COL7A1: variants seen among roughly 807,000 people sequenced by gnomAD.
The protein encoded by COL7A1 is collagen type VII alpha 1 chain.
In COL7A1, 296 loss-of-function variants were observed where a neutral mutation model predicts 456.2. The observed-to-expected ratio is 0.65, with a 90% CI of 0.59 to 0.71. The LOEUF is 0.71. Among genes scored for constraint, COL7A1 ranks in the 30% least tolerant of loss-of-function variants. COL7A1 has a pLI of 0.00. For missense variants in COL7A1, 3,441 were observed against 4,017.2 expected (o/e 0.86, Z 3.88); for synonymous variants, 1,464 against 1,525.9 (o/e 0.96, Z 0.95).
In COL7A1 at chr3:48,588,642, G is replaced by T. The variant is rs757643340; in HGVS notation, c.2587C>A (p.Pro863Thr). 5 of 1,613,802 alleles carry T rather than the reference G, an allele frequency of 3.1e-6. No individual in the cohort carries two copies. The Admixed American group carries it at 8.3e-5, about 27-fold the overall frequency. ...GCTCTCCAGCGCATGCTCTGCCTACGCGTAGTGACAACAATGGAGACAGGT... is the reference window on the plus strand; with the variant it reads ...GCTCTCCAGCGCATGCTCTGCCTACTCGTAGTGACAACAATGGAGACAGGT... Reference protein sequence around the residue: ...GTPVSIVVTTPPEAPPALGTL... With the variant: ...GTPVSIVVTTTPEAPPALGTL... The change falls in exon 20 of 119, where the codon CCG becomes ACG. Residue 863 changes from proline (P) to threonine (T), a missense_variant and splice_region_variant. Around this residue, in one of 3 missense-constraint regions of COL7A1, gnomAD observed 444 missense variants for 427.6 expected, o/e 1.04. Transcript: ENST00000681320. The surrounding 1 kb of genome is among the most constrained non-coding windows in gnomAD (Gnocchi z 4.6).
In COL7A1 at chr3:48,594,941, G is replaced by C; in HGVS notation, c.85+134C>G. 1 of 777,752 alleles carries C rather than the reference G, an allele frequency of 1.3e-6. No homozygotes were observed. The highest frequency in any genetic ancestry group is 1.6e-5 in the South Asian group (1 of 60,826). 48.2% of individuals were successfully genotyped at this position (777,752 alleles called of 1,614,324 possible). On this transcript the variant is annotated intron_variant, in intron 2 of 118. Coordinates refer to ENST00000681320, the MANE Select transcript of COL7A1 (RefSeq NM_000094.4). This position sits in a 1 kb window ranked among gnomAD's most constrained non-coding sequence, Gnocchi z 5.5. ...ATCGCGGAGGGTTCGGGGAGTCCCAGAATTAGGAGGAATCCGCGGGGCGTC... is the reference window on the plus strand; with the variant it reads ...ATCGCGGAGGGTTCGGGGAGTCCCACAATTAGGAGGAATCCGCGGGGCGTC...
Position 48,566,205 on chromosome 3 carries a change from C to T in COL7A1, c.8407+62G>A. ...TGCTTGCCCTGTAAGTTCTAGGGGC[C>T]TGCCTGCCCTTGCCTAGGGTGCTGG... On this transcript the variant is annotated intron_variant, in intron 114 of 118. Transcript: ENST00000681320. The surrounding 1 kb of genome is among the most constrained non-coding windows in gnomAD (Gnocchi z 5.9). 1 of 1,545,710 alleles carries T rather than the reference C, an allele frequency of 6.5e-7. No homozygotes were observed. Among genetic ancestry groups the T allele is most frequent in the Non-Finnish European group, 8.8e-7 (1 of 1,137,498 alleles).
rs781281946 is a variant in COL7A1 at position 48,573,870 on chromosome 3, G to A, written c.6522C>T (p.Gly2174=). The part of the protein sequence containing the change: ...EGKPGLQGPR[G]PPGPVGGHGD... Reference sequence around the variant, plus strand: ...GGGTACTCACCACTGGGCCAGGGGGGCCTCTTGGACCCTGCAGACCCTACA... The same window carrying A: ...GGGTACTCACCACTGGGCCAGGGGGACCTCTTGGACCCTGCAGACCCTACA... The change falls in exon 81 of 119, where the codon GGC becomes GGT. Residue 2174 remains glycine (G), a synonymous_variant. Coordinates refer to ENST00000681320, the MANE Select transcript of COL7A1 (RefSeq NM_000094.4). The surrounding 1 kb of genome is among the most constrained non-coding windows in gnomAD (Gnocchi z 5.5). The A allele has an allele frequency of 6.2e-7, 1 of 1,613,862 alleles. No individual in the cohort carries two copies. The highest frequency in any genetic ancestry group is 8.5e-7 in the Non-Finnish European group (1 of 1,179,990).
At position 48,590,514 on chromosome 3, in the gene COL7A1, G is replaced by A; in HGVS notation, c.1851C>T (p.Ala617=). The part of the protein sequence containing the change: ...VVSDATRVRV[A]WGPVPGASGF... ...CACTGGCTCCAGGGACGGGTCCCCA[G>A]GCCACCCTCACTCGCGTTGCATCTG... is the stretch of plus-strand genomic sequence containing the variant. Residue 617 remains alanine, a synonymous_variant, in exon 15 of 119, where the codon GCC becomes GCT. Transcript: ENST00000681320. This position sits in a 1 kb window ranked among gnomAD's most constrained non-coding sequence, Gnocchi z 4.6. 6.2e-7 allele frequency: 1 copy of A among 1,614,146 alleles called. No individual in the cohort carries two copies. The highest frequency in any genetic ancestry group is 8.5e-7 in the Non-Finnish European group (1 of 1,180,026).
chr3:48,586,771 GGT>G lies in COL7A1; in HGVS notation c.3277-84_3277-83del. 3 of 1,535,064 alleles carry G rather than the reference GGT, an allele frequency of 2.0e-6. No individual in the cohort carries two copies. The highest frequency in any genetic ancestry group is 1.2e-5 in the South Asian group (1 of 82,538). On this transcript the variant is annotated intron_variant, in intron 25 of 118. Transcript: ENST00000681320. This position sits in a 1 kb window ranked among gnomAD's most constrained non-coding sequence, Gnocchi z 5.1. Reference sequence around the variant, plus strand: ...CACAGAGCCTGGAGAAACACATCAGGGTGTGTGTGACCAAACCCTATCTATTA... The same window carrying G: ...CACAGAGCCTGGAGAAACACATCAGGGTGTGTGACCAAACCCTATCTATTA...
At position 48,595,253 on chromosome 3, in the gene COL7A1, G is replaced by A. The variant is rs1428789274; in HGVS notation, c.-2+15C>T. ...TCCGAGCCCAGCGCCCCTCCAGCCC[G>A]AGTCCTGGTCTTGCCTGCGCGTCCG... is the stretch of plus-strand genomic sequence containing the variant. On this transcript the variant is annotated intron_variant, in intron 1 of 118. Transcript: ENST00000681320. The A allele has an allele frequency of 4.7e-6, 5 of 1,067,004 alleles. No individual in the cohort carries two copies. Among genetic ancestry groups the A allele is most frequent in the East Asian group, 2.6e-5 (1 of 38,492 alleles). The allele number at this position is 1,067,004 out of a possible 1,614,324, so 66.1% of individuals were successfully genotyped here. A position where few individuals can be genotyped will look rare whatever the true frequency, so the allele number is the denominator to read the frequency against.
rs778839465 is a variant in COL7A1, at chr3:48,566,723, G to A, written c.8241C>T (p.Pro2747=). 32 of 1,613,760 alleles carry A rather than the reference G, an allele frequency of 2.0e-5. 1 individual carries two copies. The Middle Eastern group carries it at 1.0e-3, about 51-fold the overall frequency. The change falls in exon 112 of 119, where the codon CCC becomes CCT. Residue 2747 remains proline, a synonymous_variant. Transcript: ENST00000681320. This position sits in a 1 kb window ranked among gnomAD's most constrained non-coding sequence, Gnocchi z 5.9. ...GAGCCCCCACCACTCTCTCTCCGGGGGGACCTCGCTCACCCTGTCAGACAC... is the reference window on the plus strand; with the variant it reads ...GAGCCCCCACCACTCTCTCTCCGGGAGGACCTCGCTCACCCTGTCAGACAC... ...GLQGQKGERG[P]PGERVVGAPG... is the part of the protein sequence containing the mutation.
rs1389113261 is a variant in COL7A1 at position 48,569,710 on chromosome 3, C to A, written c.7557+15G>T. 1.2e-6 allele frequency: 2 copies of A among 1,614,174 alleles called. No individual in the cohort carries two copies. The highest frequency in any genetic ancestry group is 2.2e-5 in the South Asian group (2 of 91,086). ...ACCCTGGCCCCTGCCCTGCCCTCCC[C>A]ATGCCCACACTCACCTTGTCACCCT... On this transcript the variant is annotated intron_variant, in intron 101 of 118. Coordinates refer to ENST00000681320, the MANE Select transcript of COL7A1 (RefSeq NM_000094.4). This position sits in a 1 kb window ranked among gnomAD's most constrained non-coding sequence, Gnocchi z 4.9.
rs200598201 is a variant in COL7A1 at position 48,591,739 on chromosome 3, G to A, written c.1441C>T (p.Arg481Cys). Residue 481 changes from arginine to cysteine, a missense_variant, in exon 12 of 119, where the codon CGC becomes TGC. Arg to Cys is a radical substitution (Grantham distance 180). Coordinates refer to ENST00000681320, the MANE Select transcript of COL7A1 (RefSeq NM_000094.4). The surrounding 1 kb of genome is among the most constrained non-coding windows in gnomAD (Gnocchi z 7.0). Reference protein sequence around the residue: ...LDGLQPGTEYRLTLYTLLEGH... With the variant: ...LDGLQPGTEYCLTLYTLLEGH... The stretch of plus-strand genomic sequence containing the variant: ...TCCAGCAGAGTGTAGAGTGTGAGGC[G>A]GTACTCAGTGCCCGGCTGCAGCCCA... 3.4e-5 allele frequency: 55 copies of A among 1,614,108 alleles called. No individual in the cohort carries two copies. The East Asian group carries it at 5.6e-4, about 16-fold the overall frequency.
rs2045302810 is a variant in COL7A1, at chr3:48,586,873, A to G, written c.3276+99T>C. ...TGGAGCCTGTGAGAGAGCTGGGAGA[A>G]TGCCTGAACCTATTGGGTGGTCAGG... is the stretch of plus-strand genomic sequence containing the variant. On this transcript the variant is annotated intron_variant, in intron 25 of 118. Coordinates refer to ENST00000681320, the MANE Select transcript of COL7A1 (RefSeq NM_000094.4). This position sits in a 1 kb window ranked among gnomAD's most constrained non-coding sequence, Gnocchi z 5.1. 5.2e-6 allele frequency: 8 copies of G among 1,535,708 alleles called. No individual in the cohort carries two copies. In the South Asian group the frequency reaches 8.4e-5, roughly 16 times the overall value.
Position 48,573,806 on chromosome 3 carries a change from G to A in COL7A1, c.6537+49C>T, listed in dbSNP as rs754184572. On this transcript the variant is annotated intron_variant, in intron 81 of 118. Transcript: ENST00000681320. This position sits in a 1 kb window ranked among gnomAD's most constrained non-coding sequence, Gnocchi z 5.5. ...AACTGAGGCAGTACTGGTCACTGGG[G>A]CAGGGCACAGGATGGGGGCAAGACA... 13 of 1,613,880 alleles carry A rather than the reference G, an allele frequency of 8.1e-6. No individual in the cohort carries two copies. The highest frequency in any genetic ancestry group is 1.6e-4 in the Middle Eastern group (1 of 6,084).
At position 48,581,618 on chromosome 3, in the gene COL7A1, C is replaced by A. The variant is rs1424587738; in HGVS notation, c.4737G>T (p.Leu1579Phe). ...TGGGGCCAGGGTCTCCAGGAAGAAC[C>A]AAGCCGGGTGGGCCCTGTGGATGGA... ...GVQGERGPPG[L>F]VLPGDPGPKG... Residue 1579 changes from leucine (L) to phenylalanine (F), a missense_variant, in exon 50 of 119, where the codon TTG becomes TTT. Coordinates refer to ENST00000681320, the MANE Select transcript of COL7A1 (RefSeq NM_000094.4). This position sits in a 1 kb window ranked among gnomAD's most constrained non-coding sequence, Gnocchi z 5.8. 3.1e-6 allele frequency: 5 copies of A among 1,614,188 alleles called. No homozygotes were observed. The highest frequency in any genetic ancestry group is 4.2e-6 in the Non-Finnish European group (5 of 1,180,034).
rs1393537369 is a variant in COL7A1, at chr3:48,565,562, C to G, written c.8441-66G>C. 6.2e-7 allele frequency: 1 copy of G among 1,614,064 alleles called. No homozygotes were observed. The highest frequency in any genetic ancestry group is 8.5e-7 in the Non-Finnish European group (1 of 1,179,952). ...ATGGGCAGCCATCCCAGCCAACCCC[C>G]CTGAGAGGACCCCAGTTGATAGGCA... is the stretch of plus-strand genomic sequence containing the variant. On this transcript the variant is annotated intron_variant, in intron 115 of 118. Transcript: ENST00000681320. This position sits in a 1 kb window ranked among gnomAD's most constrained non-coding sequence, Gnocchi z 4.5.
At chr3:48,584,580 C>A in intron 35 of COL7A1, 24 bp from the exon 36 acceptor site, 1 of 1,614,000 alleles carries the variant, frequency 6.2e-7, no homozygotes, top group Non-Finnish European at 8.5e-7. Flanking sequence ...GAGCAGTGGG[C>A]AGGATTCAGG....
rs1205523122 is a variant in COL7A1 at position 48,565,062 on chromosome 3, C to T, written c.8620+47G>A. ...TCAGGGGGAGGTCAGCAGGGCTCAG[C>T]CCTGCCTGCCCCTCCCCAGACCCCG... On this transcript the variant is annotated intron_variant, in intron 117 of 118. Transcript: ENST00000681320. The surrounding 1 kb of genome is among the most constrained non-coding windows in gnomAD (Gnocchi z 4.5). 6.3e-7 allele frequency: 1 copy of T among 1,590,774 alleles called. No individual in the cohort carries two copies. The highest frequency in any genetic ancestry group is 1.7e-5 in the Admixed American group (1 of 57,726).
At position 48,580,604 on chromosome 3, in the gene COL7A1, C is replaced by T; in HGVS notation, c.5029G>A (p.Asp1677Asn). 1 of 1,613,980 alleles carries T rather than the reference C, an allele frequency of 6.2e-7. No individual in the cohort carries two copies. Among genetic ancestry groups the T allele is most frequent in the Non-Finnish European group, 8.5e-7 (1 of 1,179,954 alleles). The change falls in exon 55 of 119, where the codon GAT (aspartate) becomes AAT (asparagine). Residue 1677 changes from aspartate to asparagine, a missense_variant. Asp to Asn is a conservative substitution (Grantham distance 23). Around this residue, in one of 3 missense-constraint regions of COL7A1, gnomAD observed 2,084 missense variants for 2,501.3 expected, o/e 0.83. Coordinates refer to ENST00000681320, the MANE Select transcript of COL7A1 (RefSeq NM_000094.4). The surrounding 1 kb of genome is among the most constrained non-coding windows in gnomAD (Gnocchi z 4.5). ...GPVGEKGDQGDPGEDGRNGSP... is the reference protein window; with the variant it reads ...GPVGEKGDQGNPGEDGRNGSP... ...ACATTTCGTCCATCCTCTCCAGGATCTCCCTGGTCTCCCTTTTCACCCACA... is the reference window on the plus strand; with the variant it reads ...ACATTTCGTCCATCCTCTCCAGGATTTCCCTGGTCTCCCTTTTCACCCACA...
chr3:48,580,337 G>T lies in COL7A1; in HGVS notation c.5060C>A (p.Pro1687His). Residue 1687 changes from proline to histidine, a missense_variant, in exon 56 of 119, where the codon CCT (proline) becomes CAT (histidine). Coordinates refer to ENST00000681320, the MANE Select transcript of COL7A1 (RefSeq NM_000094.4). The surrounding 1 kb of genome is among the most constrained non-coding windows in gnomAD (Gnocchi z 4.5). ...GTCACCCTTGGGTCCAGATGATCCA[G>T]GGCTGCCCTGCAGAAAGGCAGGGGT... ...DPGEDGRNGS[P>H]GSSGPKGDRG... The T allele has an allele frequency of 6.2e-7, 1 of 1,609,754 alleles. No homozygotes were observed.
chr3:48,589,243 T>A, intron 18 of COL7A1, 84 bp downstream of exon 18: 1 of 1,590,632 alleles, frequency 6.3e-7, no homozygotes, highest in East Asian at 2.2e-5. Flanking sequence ...AGCAGGGGGG[T>A]GGAGGCAGCT....
rs188592093 is a variant in COL7A1 at position 48,583,633 on chromosome 3, G to T, written c.4342-18C>A. The T allele has an allele frequency of 2.4e-4, 381 of 1,613,924 alleles. 1 individual carries two copies. The African/African-American group carries it at 4.6e-3, about 20-fold the overall frequency. On this transcript the variant is annotated intron_variant, in intron 40 of 118. Coordinates refer to ENST00000681320, the MANE Select transcript of COL7A1 (RefSeq NM_000094.4). This position sits in a 1 kb window ranked among gnomAD's most constrained non-coding sequence, Gnocchi z 5.1. ...GAGTCACCCTGAAGGAGAAACACAC[G>T]GGTGGGAAGACCGAAGGGAGGCCCT...
Sources: allele counts gnomAD v4.1 joint callset, GRCh38; gene constraint gnomAD v4.1.1; regional missense constraint gnomAD v4.1.1; non-coding constraint Gnocchi (gnomAD v3.1); transcripts MANE v1.5; gene names NCBI Gene and HGNC (gene_info 2026-07-23, HGNC 2026-07-21).